The following BRCA1 variants were observed in gnomAD, a reference collection of about 807,000 sequenced individuals.
BRCA1 encodes the protein breast cancer type 1 susceptibility protein.
In BRCA1, 140 loss-of-function variants were observed where a neutral mutation model predicts 173.7. The observed-to-expected ratio is 0.81, with a 90% CI of 0.70 to 0.93. The LOEUF is 0.93. BRCA1 is among the 40% of genes least tolerant of loss of function. The pLI, the probability that BRCA1 is intolerant of heterozygous loss-of-function variation, is 0.00. For missense variants in BRCA1, 1,983 were observed against 2,172.5 expected (o/e 0.91, Z 1.73); for synonymous variants, 662 against 756.0 (o/e 0.88, Z 2.04).
intron 1 of BRCA1, among the ~76,000 whole-genome samples, chr17:43,141,102 T>C (rs2056072322): frequency 6.6e-6 from 1 of 152,172 alleles, no homozygotes; most frequent in African/African-American, 2.4e-5. Context: ...TAGGCAGTCA[T>C]GTTTTGTTCC....
At chr17:43,137,748 G>A (rs914660121) in intron 1 of BRCA1, among the ~76,000 whole-genome samples, 2 of 146,846 alleles carry the variant, frequency 1.4e-5, no homozygotes, top group East Asian at 4.1e-4. Context: ...ATGGTGGTGA[G>A]CACCTGTATT....
At chr17:43,138,364 G>A (rs1303958200) in intron 1 of BRCA1, 29 of 473,368 alleles carry the variant, frequency 6.1e-5, no homozygotes, top group Non-Finnish European at 9.6e-5. Context: ...ACTCCAGGTC[G>A]GTCCCAGGTG....
At chr17:43,109,091 C>T (rs896619611) in intron 3 of BRCA1, among the ~76,000 whole-genome samples, 2 of 142,982 alleles carry the variant, frequency 1.4e-5, no homozygotes, top group African/African-American at 5.0e-5. Flanking sequence ...AACTCCCGAC[C>T]TCAAGTGATC....
chr17:43,166,542 A>T (rs1169756404), intron 1 of BRCA1: 1 of 152,136 alleles, frequency 6.6e-6, no homozygotes, highest in Admixed American at 6.5e-5. Context: ...TCTCCCTCAG[A>T]TTCTTTTTTG....
At chr17:43,087,698 T>C (rs1324484243) in intron 11 of BRCA1, among the ~76,000 whole-genome samples, 4 of 151,218 alleles carry the variant, frequency 2.6e-5, no homozygotes, top group Non-Finnish European at 5.9e-5. Flanking sequence ...AGAATTTTAA[T>C]GATCCAGTAA....
intron 1 of BRCA1, among the ~76,000 whole-genome samples, chr17:43,135,040 G>A (rs1409245532): frequency 6.6e-6 from 1 of 152,218 alleles, no homozygotes; most frequent in Non-Finnish European, 1.5e-5. Flanking sequence ...GTTTCGTTGT[G>A]GGTGGAGGGT....
intron 11 of BRCA1, among the ~76,000 whole-genome samples, chr17:43,089,454 A>G (rs1054556675): frequency 1.3e-5 from 2 of 152,174 alleles, no homozygotes; most frequent in Non-Finnish European, 2.9e-5. Context: ...TACATTATCA[A>G]ATGGTCATAT....
At chr17:43,102,374 T>TTTTTTTTC (rs1254432237) in intron 6 of BRCA1, among the ~76,000 whole-genome samples, 1 of 146,972 alleles carries the variant, frequency 6.8e-6, no homozygotes, top group South Asian at 2.3e-4. Flanking sequence ...TTTTTTTTTT[T>TTTTTTTTC]TGAGACGGAG....
At chr17:43,139,693 C>G in intron 1 of BRCA1, 13 of 355,442 alleles carry the variant, frequency 3.7e-5, no homozygotes, top group South Asian at 2.8e-4. Context: ...CCTCCTCCCA[C>G]CCTTCACCCT....
In BRCA1 at chr17:43,044,394, G is replaced by A. The variant is rs570062354; in HGVS notation, c.*1284C>T. ...GTCTTCACTGCCCTTGCACACTGGG[G>A]GGGCTAGGGAAGACCTAGTCCTTCC... On this transcript the variant is annotated 3_prime_UTR_variant, in exon 23 of 23. Transcript: ENST00000357654. 1.8e-5 allele frequency: 9 copies of A among 506,318 alleles called. No homozygotes were observed. The highest frequency in any genetic ancestry group is 1.5e-4 in the African/African-American group (8 of 52,402). 31.4% of individuals were successfully genotyped at this position (506,318 alleles called of 1,614,324 possible).
intron 1 of BRCA1, chr17:43,142,610 C>G (rs1460288926): frequency 6.6e-6 from 1 of 152,200 alleles, no homozygotes; most frequent in African/African-American, 2.4e-5. Context: ...ATTTTAAAAA[C>G]TATGCTTCCA....
At chr17:43,087,848 C>T (rs2053289006) in intron 11 of BRCA1, among the ~76,000 whole-genome samples, 2 of 152,026 alleles carry the variant, frequency 1.3e-5, no homozygotes, top group African/African-American at 2.4e-5. Flanking sequence ...AATCCTACCC[C>T]AGCCACTCAA....
chr17:43,097,230 T>C lies in BRCA1; in HGVS notation c.593+14A>G, dbSNP rs1481255103. On this transcript the variant is annotated intron_variant, in intron 8 of 22. Transcript: ENST00000357654. ...AAATACCAGCTTCATAGACAAAGGT[T>C]CTCTTTGACTCACCTGCAATAAGTT... The C allele has an allele frequency of 6.2e-7, 1 of 1,612,086 alleles. No individual in the cohort carries two copies. Among genetic ancestry groups the C allele is most frequent in the East Asian group, 2.2e-5 (1 of 44,838 alleles).
intron 1 of BRCA1, chr17:43,144,609 T>A (rs1546585): frequency 0.098 from 16,318 of 166,114 alleles, 2,668 homozygotes; most frequent in African/African-American, 0.35. Context: ...CCAGCTTCAG[T>A]CCTGCTTTTC....
chr17:43,046,424 G>A (rs1485762092), intron 22 of BRCA1, among the ~76,000 whole-genome samples: 3 of 149,924 alleles, frequency 2.0e-5, no homozygotes, highest in African/African-American at 7.4e-5. Context: ...TTCAGATGGA[G>A]TCTCACTCTG....
At chr17:43,126,394 G>T (rs1189631168), upstream of BRCA1, among the ~76,000 whole-genome samples, 1 of 152,176 alleles carries the variant, frequency 6.6e-6, no homozygotes, top group Non-Finnish European at 1.5e-5. Context: ...CAGAGATAGC[G>T]GCAGAGCTGG....
rs1282091887 is a variant in BRCA1 at position 43,045,064 on chromosome 17, A to G, written c.*614T>C. The G allele has an allele frequency of 3.8e-6, 2 of 519,622 alleles. No homozygotes were observed. Among genetic ancestry groups the G allele is most frequent in the Non-Finnish European group, 7.5e-6 (2 of 267,204 alleles). The allele number at this position is 519,622 out of a possible 1,614,324, so 32.2% of individuals were successfully genotyped here. A position where few individuals can be genotyped will look rare whatever the true frequency, so the allele number is the denominator to read the frequency against. ...AGTGATCTGCCCACCTTGGCCTCCC[A>G]AAGTGCTGGGATTACAGGCGTGAGC... On this transcript the variant is annotated 3_prime_UTR_variant, in exon 23 of 23. Coordinates refer to ENST00000357654, the MANE Select transcript of BRCA1 (RefSeq NM_007294.4).
intron 19 of BRCA1, among the ~76,000 whole-genome samples, chr17:43,054,916 AC>A (rs1265096930): frequency 6.6e-6 from 1 of 150,972 alleles, no homozygotes. Context: ...CGCCCAGTTA[AC>A]TTTTGTATTT....
rs398122678 is a variant in BRCA1 at position 43,091,634 on chromosome 17, C to T, written c.3897G>A (p.Gln1299=). 1.9e-6 allele frequency: 3 copies of T among 1,614,236 alleles called. No individual in the cohort carries two copies. The highest frequency in any genetic ancestry group is 2.5e-6 in the Non-Finnish European group (3 of 1,180,044). Reference sequence around the variant, plus strand: ...CAGTCAAGTCTTCCAATTCACTGCACTGTGAAGAAAACAAGCTAGCAGAAC... The same window carrying T: ...CAGTCAAGTCTTCCAATTCACTGCATTGTGAAGAAAACAAGCTAGCAGAAC... The part of the protein sequence containing the change: ...TKCSASLFSS[Q]CSELEDLTAN... The change falls in exon 10 of 23, where the codon CAG becomes CAA. Residue 1299 remains glutamine (Q), a synonymous_variant. Transcript: ENST00000357654.
Sources: allele counts gnomAD v4.1 joint callset (sites outside exome capture counted in the v4.1 genomes callset), GRCh38; gene constraint gnomAD v4.1.1; transcripts MANE v1.5; gene names NCBI Gene and HGNC (gene_info 2026-07-23, HGNC 2026-07-21).